ITSN1: variants seen among roughly 807,000 people sequenced by gnomAD.
The protein encoded by ITSN1 is intersectin-1.
ITSN1 carries 58 observed loss-of-function variants against 239.8 expected under a neutral mutation model. The ratio of observed to expected loss-of-function variants is 0.24; its 90% CI spans 0.20 to 0.30. ITSN1 has a LOEUF of 0.30. Among genes scored for constraint, ITSN1 ranks in the 10% least tolerant of loss-of-function variants. ITSN1 has a pLI of 1.00. For synonymous variants in ITSN1, 780 were observed against 770.8 expected (o/e 1.01, Z -0.20); for missense variants, 1,558 against 2,103.3 (o/e 0.74, Z 5.07).
At chr21:33,714,450 G>A (rs957277212) in intron 1 of ITSN1, among the ~76,000 whole-genome samples, 13 of 152,210 alleles carry the variant, frequency 8.5e-5, no homozygotes, top group African/African-American at 2.9e-4. Flanking sequence ...CACCTAGGGT[G>A]AGAATTATTT....
At chr21:33,680,860 C>G (rs1415666635) in intron 1 of ITSN1, among the ~76,000 whole-genome samples, 1 of 152,194 alleles carries the variant, frequency 6.6e-6, no homozygotes, top group Non-Finnish European at 1.5e-5. Flanking sequence ...GTATCCCTTG[C>G]TCGTAGGTTA....
At chr21:33,885,924 C>T (rs925142303) in intron 38 of ITSN1, among the ~76,000 whole-genome samples, 18 of 151,838 alleles carry the variant, frequency 1.2e-4, no homozygotes, top group African/African-American at 3.9e-4. Context: ...GAGTGGGGAG[C>T]GGCCGGGCAT....
intron 1 of ITSN1, among the ~76,000 whole-genome samples, chr21:33,694,433 A>T (rs1021448601): frequency 1.3e-5 from 2 of 152,318 alleles, no homozygotes; most frequent in Non-Finnish European, 2.9e-5. Context: ...CTTTGGACAT[A>T]TATCTTTGTA....
In ITSN1 at chr21:33,858,561, C is replaced by T. The variant is rs570214645; in HGVS notation, c.3784-125C>T. ...GAAACTGCAGGAAAGCAGGCGTTCA[C>T]CTCTGGGCCTCTCAGCCAAGGTACA... is the stretch of plus-strand genomic sequence containing the variant. On this transcript the variant is annotated intron_variant, in intron 30 of 39. Coordinates refer to ENST00000381318, the MANE Select transcript of ITSN1 (RefSeq NM_003024.3). 131 of 595,500 alleles carry T rather than the reference C, an allele frequency of 2.2e-4. No homozygotes were observed. The African/African-American group carries it at 2.3e-3, about 11-fold the overall frequency. 36.9% of individuals were successfully genotyped at this position (595,500 alleles called of 1,614,324 possible).
At chr21:33,746,697 C>A (rs1247199897) in intron 5 of ITSN1, among the ~76,000 whole-genome samples, 2 of 151,158 alleles carry the variant, frequency 1.3e-5, no homozygotes, top group Non-Finnish European at 2.9e-5. Context: ...AAAAAATTAG[C>A]TGGACATGAT....
intron 1 of ITSN1, among the ~76,000 whole-genome samples, chr21:33,683,849 A>G (rs1391053146): frequency 1.3e-5 from 2 of 152,208 alleles, no homozygotes; most frequent in East Asian, 1.9e-4. Context: ...TAATATTTGT[A>G]GTTGCTATCC....
intron 3 of ITSN1, 38 bp from the exon 4 acceptor site, chr21:33,722,550 T>G: frequency 6.5e-7 from 1 of 1,549,042 alleles, no homozygotes; most frequent in East Asian, 2.3e-5. Context: ...TGTTGTTTTT[T>G]TTTTTTTTTC....
rs879623851 is a variant in ITSN1, at chr21:33,884,027, G to A, written c.4676+356G>A. Reference sequence around the variant, plus strand: ...TAATCCTCCCACCCTAGCCTCCCAGGTATGTGGGACTACAGGCATGTGCTA... The same window carrying A: ...TAATCCTCCCACCCTAGCCTCCCAGATATGTGGGACTACAGGCATGTGCTA... On this transcript the variant is annotated intron_variant, in intron 36 of 39. Coordinates refer to ENST00000381318, the MANE Select transcript of ITSN1 (RefSeq NM_003024.3). Among the ~76,000 whole-genome samples, 4 of 151,006 alleles carry A rather than the reference G, an allele frequency of 2.6e-5. No individual in the cohort carries two copies. In the Admixed American group the frequency reaches 2.6e-4, roughly 10 times the overall value.
intron 1 of ITSN1, among the ~76,000 whole-genome samples, chr21:33,650,534 A>G (rs1568838668): frequency 1.3e-5 from 2 of 152,244 alleles, no homozygotes. Context: ...TGTGTTATCT[A>G]TAATAGGAGT....
chr21:33,836,316 C>T (rs1049328516), intron 28 of ITSN1, 125 bp from the exon 29 acceptor site: 8 of 603,880 alleles, frequency 1.3e-5, no homozygotes, highest in Non-Finnish European at 2.1e-5. Flanking sequence ...CAGAACAGTT[C>T]CACCTACTGT....
chr21:33,782,956 C>T (rs973896358), intron 16 of ITSN1, among the ~76,000 whole-genome samples: 20 of 151,952 alleles, frequency 1.3e-4, no homozygotes, highest in African/African-American at 2.4e-4. Context: ...ACCCAGGAGG[C>T]GGAGCTTGCA....
chr21:33,754,914 A>G (rs1209859332), intron 7 of ITSN1, among the ~76,000 whole-genome samples: 1 of 152,208 alleles, frequency 6.6e-6, no homozygotes, highest in Non-Finnish European at 1.5e-5. Context: ...GTTTGCTTTT[A>G]GCATTGCTTT....
intron 1 of ITSN1, among the ~76,000 whole-genome samples, chr21:33,663,836 G>A (rs1430572175): frequency 6.6e-6 from 1 of 152,162 alleles, no homozygotes; most frequent in East Asian, 1.9e-4. Flanking sequence ...CCTGACGTCA[G>A]GTGATCCGCC....
chr21:33,835,953 T>TA (rs1320105000), intron 28 of ITSN1, among the ~76,000 whole-genome samples: 1 of 152,044 alleles, frequency 6.6e-6, no homozygotes, highest in Non-Finnish European at 1.5e-5. Flanking sequence ...AATAAATAAA[T>TA]AAATCACTGG....
At position 33,888,388 on chromosome 21, in the gene ITSN1, C is replaced by T; in HGVS notation, c.*88C>T. The T allele has an allele frequency of 7.4e-7, 1 of 1,360,346 alleles. No homozygotes were observed. The highest frequency in any genetic ancestry group is 2.3e-5 in the Admixed American group (1 of 43,092). The allele number at this position is 1,360,346 out of a possible 1,614,324, so 84.3% of individuals were successfully genotyped here. A position where few individuals can be genotyped will look rare whatever the true frequency, so the allele number is the denominator to read the frequency against. Reference sequence around the variant, plus strand: ...TTGTATTCCTTTTCTAAGAAACCACCATTTGGTATTCAGTCACAGGGATAT... The same window carrying T: ...TTGTATTCCTTTTCTAAGAAACCACTATTTGGTATTCAGTCACAGGGATAT... On this transcript the variant is annotated 3_prime_UTR_variant, in exon 40 of 40. Transcript: ENST00000381318.
intron 33 of ITSN1, among the ~76,000 whole-genome samples, chr21:33,868,233 C>T (rs539585508): frequency 5.3e-5 from 8 of 152,376 alleles, no homozygotes; most frequent in African/African-American, 1.9e-4. Context: ...CCCCACCAGA[C>T]TCAGGAGCCT....
At chr21:33,767,136 C>G (rs1382798805) in intron 10 of ITSN1, among the ~76,000 whole-genome samples, 1 of 151,780 alleles carries the variant, frequency 6.6e-6, no homozygotes, top group African/African-American at 2.4e-5. Flanking sequence ...CCATTGCACT[C>G]CAGCCTGGGG....
chr21:33,823,164 T>C (rs1292026896), intron 24 of ITSN1, among the ~76,000 whole-genome samples: 3 of 152,336 alleles, frequency 2.0e-5, no homozygotes, highest in South Asian at 2.1e-4. Context: ...AAAACCATTT[T>C]CATTCAAAAA....
chr21:33,745,829 C>T (rs1029072834), intron 5 of ITSN1, among the ~76,000 whole-genome samples: 10 of 152,274 alleles, frequency 6.6e-5, no homozygotes, highest in East Asian at 3.9e-4. Context: ...ACATGTGTCG[C>T]GGAGACCAGG....
Sources: gnomAD v4.1 joint callset for allele counts (sites outside exome capture counted in the v4.1 genomes callset) on GRCh38, gnomAD v4.1.1 for gene constraint, MANE v1.5 for transcripts, NCBI Gene and HGNC (gene_info 2026-07-23, HGNC 2026-07-21) for gene names.